Variants in MTA3 observed in about 807,000 individuals in gnomAD.
MTA3 encodes metastasis-associated protein MTA3.
Under a neutral mutation model 83.5 loss-of-function variants are expected in MTA3, and 34 were observed. The observed-to-expected ratio is 0.41, with a 90% CI of 0.31 to 0.54. The LOEUF (loss-of-function observed/expected upper bound fraction) is 0.54, where lower values mean the gene tolerates loss of function less well. Ranked by LOEUF, MTA3 falls within the 20% of genes least tolerant of loss-of-function variation. The pLI is 0.33. For synonymous variants in MTA3, 303 were observed against 252.7 expected (o/e 1.20, Z -1.89); for missense variants, 761 against 726.4 (o/e 1.05, Z -0.55).
chr2:42,728,958 A>G (rs947584868), intron 16 of MTA3, among the ~76,000 whole-genome samples: 18 of 151,788 alleles, frequency 1.2e-4, no homozygotes, highest in African/African-American at 3.9e-4. Context: ...TTTTAACTTG[A>G]TATGATCTAA....
intron 15 of MTA3, among the ~76,000 whole-genome samples, chr2:42,719,416 C>T (rs1168207212): frequency 6.6e-6 from 1 of 152,200 alleles, no homozygotes; most frequent in Non-Finnish European, 1.5e-5. Context: ...TATTCTTCTT[C>T]AGATCCCTTC....
intron 8 of MTA3, among the ~76,000 whole-genome samples, chr2:42,668,420 C>G (rs1018041202): frequency 1.1e-4 from 16 of 152,320 alleles, no homozygotes; most frequent in African/African-American, 3.6e-4. Context: ...GGGTCCTGAA[C>G]AAGACCCCTG....
At chr2:42,686,671 A>G (rs934612404) in intron 9 of MTA3, among the ~76,000 whole-genome samples, 8 of 152,152 alleles carry the variant, frequency 5.3e-5, no homozygotes, top group African/African-American at 1.9e-4. Context: ...CTAAAAATAC[A>G]AAACAATTAG....
At chr2:42,656,390 T>A in intron 7 of MTA3, 88 bp downstream of exon 7, 1 of 736,818 alleles carries the variant, frequency 1.4e-6, no homozygotes, top group Non-Finnish European at 2.1e-6. Context: ...CTTTGTATTC[T>A]GCTTTTCTCC....
intron 2 of MTA3, among the ~76,000 whole-genome samples, chr2:42,522,647 A>T (rs1358866818): frequency 1.3e-5 from 2 of 151,888 alleles, no homozygotes; most frequent in African/African-American, 4.8e-5. Flanking sequence ...AAAAATAAAA[A>T]TTAGTTGAGT....
intron 4 of MTA3, among the ~76,000 whole-genome samples, chr2:42,615,418 C>T (rs926748943): frequency 1.3e-5 from 2 of 151,800 alleles, no homozygotes; most frequent in East Asian, 1.9e-4. Context: ...CCTAGTGCTG[C>T]GATCTCGATT....
chr2:42,657,055 A>G (rs1689236239), intron 7 of MTA3, among the ~76,000 whole-genome samples: 1 of 152,192 alleles, frequency 6.6e-6, no homozygotes, highest in Non-Finnish European at 1.5e-5. Flanking sequence ...AAATACATTA[A>G]ATGGGTATAT....
chr2:42,541,708 C>G (rs1023408411), intron 2 of MTA3, among the ~76,000 whole-genome samples: 2 of 152,184 alleles, frequency 1.3e-5, no homozygotes, highest in East Asian at 3.8e-4. Flanking sequence ...CATTCAGTAA[C>G]CTTGTTTCAG....
intron 2 of MTA3, among the ~76,000 whole-genome samples, chr2:42,530,042 G>A (rs775122238): frequency 5.6e-4 from 84 of 150,224 alleles, no homozygotes; most frequent in Admixed American, 1.3e-3. Context: ...AAAATTAGCC[G>A]GGCGTGGTGG....
chr2:42,649,134 C>G (rs906416133), intron 6 of MTA3, among the ~76,000 whole-genome samples: 1 of 152,170 alleles, frequency 6.6e-6, no homozygotes, highest in Non-Finnish European at 1.5e-5. Context: ...GTGGCTCACT[C>G]CTGTAATCCC....
At chr2:42,582,201 G>A (rs1273512365) in intron 3 of MTA3, among the ~76,000 whole-genome samples, 2 of 152,142 alleles carry the variant, frequency 1.3e-5, no homozygotes, top group African/African-American at 4.8e-5. Context: ...GGGACTACAG[G>A]CGCCTGCCAC....
At chr2:42,639,875 CT>C (rs199653344) in intron 4 of MTA3, among the ~76,000 whole-genome samples, 54 of 151,264 alleles carry the variant, frequency 3.6e-4, no homozygotes, top group African/African-American at 7.3e-4. Flanking sequence ...TCATTGTACT[CT>C]TTTTTTTTCT....
intron 8 of MTA3, among the ~76,000 whole-genome samples, chr2:42,672,398 T>G (rs1461704197): frequency 2.0e-5 from 3 of 149,848 alleles, no homozygotes; most frequent in Non-Finnish European, 4.4e-5. Flanking sequence ...ATCCTAGCAC[T>G]CTGGGAGGCC....
At chr2:42,646,231 C>A (rs4953530) in intron 6 of MTA3, among the ~76,000 whole-genome samples, 2 of 152,114 alleles carry the variant, frequency 1.3e-5, no homozygotes, top group Admixed American at 6.5e-5. Context: ...ATAATGCTCC[C>A]CTTCACCCAA....
intron 3 of MTA3, among the ~76,000 whole-genome samples, chr2:42,605,003 A>G (rs1683074038): frequency 6.7e-6 from 1 of 150,282 alleles, no homozygotes; most frequent in Non-Finnish European, 1.5e-5. Context: ...AGACACGGCA[A>G]CCATCCGATT....
At chr2:42,675,807 A>G (rs879660450) in intron 8 of MTA3, among the ~76,000 whole-genome samples, 2 of 152,184 alleles carry the variant, frequency 1.3e-5, no homozygotes, top group African/African-American at 2.4e-5. Flanking sequence ...CTCTTCTGTT[A>G]TAGAAACTGT....
At chr2:42,734,828 C>G (rs1474709017) in intron 16 of MTA3, among the ~76,000 whole-genome samples, 1 of 152,044 alleles carries the variant, frequency 6.6e-6, no homozygotes, top group Non-Finnish European at 1.5e-5. Flanking sequence ...AACAAATAGG[C>G]AAAGAGAAAA....
At chr2:42,522,207 G>A (rs1675461387) in intron 2 of MTA3, among the ~76,000 whole-genome samples, 1 of 152,152 alleles carries the variant, frequency 6.6e-6, no homozygotes, top group Non-Finnish European at 1.5e-5. Flanking sequence ...GAGTGAGGTA[G>A]TTACAACCAC....
intron 3 of MTA3, among the ~76,000 whole-genome samples, chr2:42,593,035 C>G (rs549656581): frequency 6.6e-6 from 1 of 151,918 alleles, no homozygotes; most frequent in Non-Finnish European, 1.5e-5. Flanking sequence ...GGCCTGTAAT[C>G]GCAGCTACTT....
Sources: gnomAD v4.1 joint callset for allele counts (sites outside exome capture counted in the v4.1 genomes callset) on GRCh38, gnomAD v4.1.1 for gene constraint, MANE v1.5 for transcripts, NCBI Gene and HGNC (gene_info 2026-07-23, HGNC 2026-07-21) for gene names.